SYNPO2: variants seen among roughly 807,000 people sequenced by gnomAD.
The protein encoded by SYNPO2 is synaptopodin 2.
A neutral mutation model predicts 85.0 loss-of-function variants in SYNPO2; 56 were observed. The observed-to-expected ratio is 0.66, with a 90% CI of 0.53 to 0.82. The LOEUF is 0.82. SYNPO2 is among the 40% of genes least tolerant of loss of function. SYNPO2 has a pLI of 0.00. For synonymous variants in SYNPO2, 602 were observed against 591.1 expected, an observed-to-expected ratio of 1.02 and a Z score of -0.27; for missense variants, 1,575 against 1,534.2, an observed-to-expected ratio of 1.03 and a Z score of -0.44.
Position 118,868,152 on chromosome 4 carries a change from A to T in SYNPO2, c.12+17212A>T, listed in dbSNP as rs1731734896. Reference sequence around the variant, plus strand: ...ATGGTTCTGTTGAATTTTACATATTAAAAAAAATTAGATGCTCTTGTAAAA... The same window carrying T: ...ATGGTTCTGTTGAATTTTACATATTTAAAAAAATTAGATGCTCTTGTAAAA... On this transcript the variant is annotated intron_variant, in intron 1 of 4. Coordinates refer to the SYNPO2 transcript ENST00000610556. Among the ~76,000 whole-genome samples, 8 of 2,634 alleles carry T rather than the reference A, an allele frequency of 3.0e-3. No individual in the cohort carries two copies. In the South Asian group the frequency reaches 0.11, roughly 35 times the overall value. 1.7% of individuals were successfully genotyped at this position (2,634 alleles called of 152,430 possible).
chr4:118,978,794 CA>C (rs1263033666), intron 1 of SYNPO2, among the ~76,000 whole-genome samples: 1 of 3,564 alleles, frequency 2.8e-4, no homozygotes, highest in Non-Finnish European at 8.6e-4. Context: ...CCTGCCATGA[CA>C]CACACACACA....
chr4:118,854,776 T>C (rs1426812877), intron 1 of SYNPO2, among the ~76,000 whole-genome samples: 2 of 152,206 alleles, frequency 1.3e-5, no homozygotes, highest in Non-Finnish European at 1.5e-5. Flanking sequence ...ATTGAAGTTA[T>C]AGTTGTCAAA....
At chr4:119,012,398 T>G (rs1306088615) in intron 1 of SYNPO2, among the ~76,000 whole-genome samples, 15 of 128,646 alleles carry the variant, frequency 1.2e-4, no homozygotes, top group African/African-American at 1.7e-4. Context: ...TTTTTTATTT[T>G]ACTTTAAGTT....
upstream of SYNPO2, among the ~76,000 whole-genome samples, chr4:118,885,840 A>C (rs1415789331): frequency 6.6e-6 from 1 of 152,202 alleles, no homozygotes; most frequent in African/African-American, 2.4e-5. Flanking sequence ...GGAATACATA[A>C]GACCTGGAGG....
At chr4:118,977,226 C>T (rs191033821) in intron 1 of SYNPO2, among the ~76,000 whole-genome samples, 9 of 152,216 alleles carry the variant, frequency 5.9e-5, no homozygotes, top group African/African-American at 1.2e-4. Flanking sequence ...GGGGAGAAAT[C>T]GAGCGCAGCG....
chr4:118,853,618 T>C (rs907228630), intron 1 of SYNPO2, among the ~76,000 whole-genome samples: 4 of 151,980 alleles, frequency 2.6e-5, no homozygotes, highest in African/African-American at 9.7e-5. Flanking sequence ...TTCAGGACAG[T>C]ATGCAGAGTC....
intron 1 of SYNPO2, among the ~76,000 whole-genome samples, chr4:118,955,090 C>T (rs1451710444): frequency 6.6e-6 from 1 of 151,480 alleles, no homozygotes; most frequent in African/African-American, 2.4e-5. Flanking sequence ...ATCTCTGCCT[C>T]CCGGGTTCAA....
intron 1 of SYNPO2, among the ~76,000 whole-genome samples, chr4:119,011,820 A>G (rs1356021036): frequency 1.3e-5 from 2 of 152,124 alleles, no homozygotes; most frequent in Non-Finnish European, 2.9e-5. Context: ...AATTTCAACT[A>G]GCCAGTAGTT....
Position 119,032,046 on chromosome 4 carries a change from G to C in SYNPO2, c.3252+19G>C. ...AATTCAGGTGTGGAAACCATCTGTT[G>C]TGGAAGAGTAATCTTGTAGCTGAAG... On this transcript the variant is annotated intron_variant, in intron 4 of 4. Coordinates refer to ENST00000307142, the MANE Select transcript of SYNPO2 (RefSeq NM_133477.3). The C allele has an allele frequency of 6.2e-7, 1 of 1,612,758 alleles. No homozygotes were observed. The highest frequency in any genetic ancestry group is 8.5e-7 in the Non-Finnish European group (1 of 1,179,294).
intron 3 of SYNPO2, 94 bp downstream of exon 3, chr4:119,027,532 A>G: frequency 8.4e-7 from 1 of 1,192,132 alleles, no homozygotes; most frequent in Non-Finnish European, 1.1e-6. Context: ...GATTTTTCTT[A>G]TGTTTCTCAT....
upstream of SYNPO2, among the ~76,000 whole-genome samples, chr4:118,887,488 C>T (rs1732224849): frequency 6.6e-6 from 1 of 152,094 alleles, no homozygotes; most frequent in Admixed American, 6.6e-5. Flanking sequence ...TATAATTTTC[C>T]TTTTGCAAAC....
intron 1 of SYNPO2, among the ~76,000 whole-genome samples, chr4:118,868,717 T>G (rs1731746116): frequency 6.6e-6 from 1 of 152,200 alleles, no homozygotes; most frequent in African/African-American, 2.4e-5. Context: ...GGCAAATTTT[T>G]CCTTTTAGAT....
chr4:118,854,253 A>G (rs543373094), intron 1 of SYNPO2, among the ~76,000 whole-genome samples: 41 of 152,366 alleles, frequency 2.7e-4, no homozygotes, highest in African/African-American at 9.9e-4. Context: ...GTACAGCTGC[A>G]GAAAGTGTAT....
Position 119,040,661 on chromosome 4 carries a change from T to C in SYNPO2, c.3252+8634T>C, listed in dbSNP as rs185374747. Among the ~76,000 whole-genome samples, 257 of 152,364 alleles carry C rather than the reference T, an allele frequency of 1.7e-3. 4 individuals carry two copies. The highest frequency in any genetic ancestry group is 6.8e-3 in the Middle Eastern group (2 of 294). On this transcript the variant is annotated intron_variant, in intron 4 of 4. Coordinates refer to ENST00000307142, the MANE Select transcript of SYNPO2 (RefSeq NM_133477.3). ...TATGAAGAGAGCTCTTCTGGGGAAATGTTTGTAAACCAAACATATTCTCTA... is the reference window on the plus strand; with the variant it reads ...TATGAAGAGAGCTCTTCTGGGGAAACGTTTGTAAACCAAACATATTCTCTA...
At chr4:118,900,506 A>T (rs978691291) in intron 1 of SYNPO2, among the ~76,000 whole-genome samples, 1 of 152,044 alleles carries the variant, frequency 6.6e-6, no homozygotes, top group African/African-American at 2.4e-5. Flanking sequence ...CATTTTAAAG[A>T]TTCCAGTATG....
chr4:118,917,903 T>G (rs773416147), intron 1 of SYNPO2, among the ~76,000 whole-genome samples: 1 of 152,142 alleles, frequency 6.6e-6, no homozygotes, highest in Admixed American at 6.5e-5. Context: ...ATTGGAAAAA[T>G]AGCTAAATAT....
intron 1 of SYNPO2, among the ~76,000 whole-genome samples, chr4:118,991,637 T>C (rs62327843): frequency 0.13 from 20,354 of 152,128 alleles, 1,678 homozygotes; most frequent in South Asian, 0.19. Flanking sequence ...AAGAGGTATA[T>C]GTTGCCTATT....
chr4:118,968,200 C>G (rs1202739863), intron 1 of SYNPO2, among the ~76,000 whole-genome samples: 1 of 152,144 alleles, frequency 6.6e-6, no homozygotes, highest in Non-Finnish European at 1.5e-5. Context: ...GAGGTCCTGG[C>G]CTGAGGCTTA....
chr4:118,974,702 T>A (rs1326266786), intron 1 of SYNPO2, among the ~76,000 whole-genome samples: 2 of 152,188 alleles, frequency 1.3e-5, no homozygotes, highest in East Asian at 3.9e-4. Context: ...TTTCCCTATG[T>A]TTCTTTCTTC....
Sources: gnomAD v4.1 joint callset for allele counts (sites outside exome capture counted in the v4.1 genomes callset) on GRCh38, gnomAD v4.1.1 for gene constraint, MANE v1.5 for transcripts, NCBI Gene and HGNC (gene_info 2026-07-23, HGNC 2026-07-21) for gene names.